Variants in ABCB5 observed in about 807,000 individuals in gnomAD.
The protein encoded by ABCB5 is ATP binding cassette subfamily B member 5.
In ABCB5, 155 loss-of-function variants were observed where a neutral mutation model predicts 144.2. The observed-to-expected ratio is 1.08, with a 90% CI of 0.94 to 1.23. The LOEUF is 1.23. ABCB5 is among the 50% of genes most tolerant of loss of function. ABCB5 has a pLI of 0.00. For missense variants in ABCB5, 1,830 were observed against 1,520.8 expected (o/e 1.20, Z -3.38); for synonymous variants, 610 against 528.6 (o/e 1.15, Z -2.11).
rs1783697517 is a variant in ABCB5, at chr7:20,616,861, A to G, written c.-22+1024A>G. 2.0e-5 allele frequency among the ~76,000 whole-genome samples: 3 copies of G among 152,198 alleles called. No homozygotes were observed. In the South Asian group the frequency reaches 6.2e-4, roughly 32 times the overall value. On this transcript the variant is annotated intron_variant, in intron 1 of 27. Transcript: ENST00000404938. The stretch of plus-strand genomic sequence containing the variant: ...GTGAGGACCTGCCAACTGGCTCACA[A>G]ATTGCTTTGACCTTGTGTCGCTTTG...
At chr7:20,666,879 G>A (rs1785214611) in intron 14 of ABCB5, 4 of 1,332,738 alleles carry the variant, frequency 3.0e-6, no homozygotes, top group Non-Finnish European at 3.9e-6. Flanking sequence ...CTGGCTAAAA[G>A]ACAGCATCAG....
In ABCB5 at chr7:20,699,885, T is replaced by G; in HGVS notation, c.2215T>G (p.Phe739Val). ...KHDAEIYSMI[F>V]VILGVICFVS... is the part of the protein sequence containing the mutation. ...TGATGCAGAAATTTATTCCATGATATTCGTCATTTTGGGTGTTATTTGCTT... is the reference window on the plus strand; with the variant it reads ...TGATGCAGAAATTTATTCCATGATAGTCGTCATTTTGGGTGTTATTTGCTT... Residue 739 changes from phenylalanine (F) to valine (V), a missense_variant, in exon 18 of 28, where the codon TTC becomes GTC. Transcript: ENST00000404938. 6.2e-7 allele frequency: 1 copy of G among 1,613,172 alleles called. No individual in the cohort carries two copies. The highest frequency in any genetic ancestry group is 8.5e-7 in the Non-Finnish European group (1 of 1,179,572).
At chr7:20,713,208 T>C (rs565298868) in intron 20 of ABCB5, among the ~76,000 whole-genome samples, 2 of 149,274 alleles carry the variant, frequency 1.3e-5, no homozygotes, top group East Asian at 4.0e-4. Context: ...TTATCATAGG[T>C]CTTATTTTGC....
intron 23 of ABCB5, among the ~76,000 whole-genome samples, chr7:20,728,767 T>A (rs531095428): frequency 4.9e-4 from 74 of 152,150 alleles, no homozygotes; most frequent in Admixed American, 9.8e-4. Context: ...ATAAATAAAT[T>A]AATTAATAAG....
rs533310548 is a variant in ABCB5 at position 20,640,679 on chromosome 7, AT to A, written c.315-2500del. Among the ~76,000 whole-genome samples, 52 of 152,276 alleles carry A rather than the reference AT, an allele frequency of 3.4e-4. No individual in the cohort carries two copies. The South Asian group carries it at 4.1e-3, about 12-fold the overall frequency. The stretch of plus-strand genomic sequence containing the variant: ...AGTACGTGTGCATCAGGCAAACCAA[AT>A]TTTTGGCCACTCTGTGCATGTCCAT... On this transcript the variant is annotated intron_variant, in intron 5 of 27. Transcript: ENST00000404938.
At chr7:20,745,563 G>C in intron 26 of ABCB5, 125 bp downstream of exon 26, 2 of 956,774 alleles carry the variant, frequency 2.1e-6, no homozygotes, top group Non-Finnish European at 1.5e-6. Context: ...AGAATCTAAA[G>C]TTAGATGTAA....
At position 20,704,636 on chromosome 7, in the gene ABCB5, A is replaced by G. The variant is rs1163518926; in HGVS notation, c.2338-88A>G. 6.2e-6 allele frequency: 6 copies of G among 969,436 alleles called. No individual in the cohort carries two copies. The African/African-American group carries it at 9.8e-5, about 16-fold the overall frequency. The allele number at this position is 969,436 out of a possible 1,614,324, so 60.1% of individuals were successfully genotyped here. ...GTACCTGTGAGTGAGGAGGCAGGTA[A>G]ATGTTTTCTGATTTACAGCAGAAAA... On this transcript the variant is annotated intron_variant, in intron 19 of 27. Transcript: ENST00000404938.
At chr7:20,717,966 A>T (rs1781738461) in intron 20 of ABCB5, among the ~76,000 whole-genome samples, 1 of 121,206 alleles carries the variant, frequency 8.3e-6, no homozygotes, top group Admixed American at 1.1e-4. Flanking sequence ...CAGTGGCGCA[A>T]TCTCGGCTCA....
At chr7:20,628,640 G>A (rs748881665) in intron 3 of ABCB5, 48 bp from the exon 4 acceptor site, 28 of 1,577,302 alleles carry the variant, frequency 1.8e-5, no homozygotes, top group Non-Finnish European at 2.2e-5. Context: ...TGCTTGGTGT[G>A]TTTGTTTGTT....
Position 20,745,278 on chromosome 7 carries a change from G to A in ABCB5, c.3269G>A (p.Arg1090His), listed in dbSNP as rs766449138. ...AAAGAATTGAATGTACAGTGGCTCC[G>A]TTCCCAAATAGCAATCGTTCCTCAA... ...DAKELNVQWL[R>H]SQIAIVPQEP... Residue 1090 changes from arginine (R) to histidine (H), a missense_variant, in exon 26 of 28, where the codon CGT (arginine) becomes CAT (histidine). Physicochemically the swap from Arg to His is conservative, Grantham distance 29. Transcript: ENST00000404938. The A allele has an allele frequency of 1.9e-5, 31 of 1,613,858 alleles. No homozygotes were observed. The highest frequency in any genetic ancestry group is 4.4e-5 in the South Asian group (4 of 91,080).
intron 13 of ABCB5, among the ~76,000 whole-genome samples, chr7:20,652,906 G>A (rs776007596): frequency 3.9e-5 from 6 of 151,948 alleles, no homozygotes; most frequent in Admixed American, 2.0e-4. Context: ...CAAACTTGAC[G>A]GACTGTAATA....
At chr7:20,626,854 G>GGGGTGTGTGT (rs1554278226) in intron 3 of ABCB5, among the ~76,000 whole-genome samples, 1 of 143,670 alleles carries the variant, frequency 7.0e-6, no homozygotes, top group African/African-American at 2.6e-5. Flanking sequence ...GTGTTTTTGG[G>GGGGTGTGTGT]GTGTGTGTGT....
chr7:20,727,042 A>G lies in ABCB5; in HGVS notation c.2628A>G (p.Ile876Met). ...ATTGTATTGTCCTGTTTTATAAGAT[A>G]GCAACTGAAGCTTTGGAGAATATAC... ...DKQELKHAGK[I>M]ATEALENIRT... The change falls in exon 22 of 28, where the codon ATA becomes ATG. Residue 876 changes from isoleucine to methionine, a missense_variant and splice_region_variant. By Grantham distance (10) the Ile-to-Met change is conservative. Coordinates refer to ENST00000404938, the MANE Select transcript of ABCB5 (RefSeq NM_001163941.2). 6.2e-7 allele frequency: 1 copy of G among 1,606,410 alleles called. No homozygotes were observed. Among genetic ancestry groups the G allele is most frequent in the Non-Finnish European group, 8.5e-7 (1 of 1,175,766 alleles).
intron 5 of ABCB5, among the ~76,000 whole-genome samples, chr7:20,638,887 T>G (rs1184150036): frequency 6.6e-6 from 1 of 152,180 alleles, no homozygotes; most frequent in Non-Finnish European, 1.5e-5. Flanking sequence ...GGAGTGGAAT[T>G]GCTGGGTCAT....
In ABCB5 at chr7:20,685,752, G is replaced by C. The variant is rs965369786; in HGVS notation, c.1926G>C (p.Lys642Asn). Residue 642 changes from lysine (K) to asparagine (N), a missense_variant, in exon 16 of 28, where the codon AAG becomes AAC. Transcript: ENST00000404938. ...MESMTYSTER[K>N]TNSLPLHSVK... ...CAATGACATATTCTACTGAAAGAAA[G>C]ACCAACTCACTTCCTCTGCACTCTG... The C allele has an allele frequency of 1.9e-6, 3 of 1,613,466 alleles. No individual in the cohort carries two copies. Among genetic ancestry groups the C allele is most frequent in the Middle Eastern group, 1.6e-4 (1 of 6,062 alleles).
intron 14 of ABCB5, among the ~76,000 whole-genome samples, chr7:20,664,958 A>G (rs1316739958): frequency 6.6e-6 from 1 of 152,242 alleles, no homozygotes; most frequent in Non-Finnish European, 1.5e-5. Context: ...TAAAAGTTCA[A>G]TGAAGAGAAA....
intron 14 of ABCB5, among the ~76,000 whole-genome samples, chr7:20,667,862 C>A (rs1382296446): frequency 6.6e-6 from 1 of 150,502 alleles, no homozygotes. Context: ...CCTGCGATTG[C>A]AGGCGCACGC....
intron 24 of ABCB5, among the ~76,000 whole-genome samples, chr7:20,741,052 G>A (rs903412753): frequency 3.4e-5 from 5 of 145,948 alleles, no homozygotes; most frequent in East Asian, 2.0e-4. Flanking sequence ...GCAGTGAGCC[G>A]AGATCACACC....
At chr7:20,651,827 T>G in intron 13 of ABCB5, 1 of 554,184 alleles carries the variant, frequency 1.8e-6, no homozygotes. Flanking sequence ...CTTAACACAT[T>G]ATGAGATTTT....
Sources: allele counts gnomAD v4.1 joint callset (sites outside exome capture counted in the v4.1 genomes callset), GRCh38; gene constraint gnomAD v4.1.1; transcripts MANE v1.5; gene names NCBI Gene and HGNC (gene_info 2026-07-23, HGNC 2026-07-21).